The following PIEZO2 variants were observed in gnomAD, a reference collection of about 807,000 sequenced individuals.
The protein encoded by PIEZO2 is piezo type mechanosensitive ion channel component 2.
PIEZO2 carries 172 observed loss-of-function variants against 337.3 expected under a neutral mutation model. The ratio of observed to expected loss-of-function variants is 0.51; its 90% CI spans 0.45 to 0.58. PIEZO2 has a LOEUF of 0.58. Among genes scored for constraint, PIEZO2 ranks in the 20% least tolerant of loss-of-function variants. The pLI is 0.00. For synonymous variants in PIEZO2, 1,251 were observed against 1,228.5 expected (o/e 1.02, Z -0.38); for missense variants, 3,028 against 3,391.3 (o/e 0.89, Z 2.66).
intron 5 of PIEZO2, among the ~76,000 whole-genome samples, chr18:10,869,540 A>G (rs1221714093): frequency 2.0e-5 from 3 of 152,216 alleles, no homozygotes; most frequent in Non-Finnish European, 4.4e-5. Context: ...GAAGAATGTG[A>G]GTTACTGGTT....
At position 10,872,463 on chromosome 18, in the gene PIEZO2, C is replaced by A. The variant is rs2042163262; in HGVS notation, c.330-1048G>T. On this transcript the variant is annotated intron_variant, in intron 4 of 55. Transcript: ENST00000674853. The surrounding 1 kb of genome is among the most constrained non-coding windows in gnomAD (Gnocchi z 4.3). ...GAGAGGCAGTATACTGAGTTGCCAG[C>A]ATAGTTGGCCAGCACACATCACCTC... Among the ~76,000 whole-genome samples, 1 of 152,176 alleles carries A rather than the reference C, an allele frequency of 6.6e-6. No homozygotes were observed.
intron 13 of PIEZO2, 139 bp from the exon 14 acceptor site, chr18:10,791,463 C>T: frequency 2.1e-6 from 2 of 940,798 alleles, no homozygotes; most frequent in Non-Finnish European, 2.9e-6. Context: ...GTCAGGTCAC[C>T]TGCTTGACTT....
rs2033733675 is a variant in PIEZO2, at chr18:10,670,742, C to T, written c.*785G>A. Reference sequence around the variant, plus strand: ...TGGGTTGGTCTTTTTACTCTTCTGCCTCATGTCTGTTTGCACAGGAGACCG... The same window carrying T: ...TGGGTTGGTCTTTTTACTCTTCTGCTTCATGTCTGTTTGCACAGGAGACCG... On this transcript the variant is annotated 3_prime_UTR_variant, in exon 56 of 56. Coordinates refer to ENST00000674853, the MANE Select transcript of PIEZO2 (RefSeq NM_001378183.1). 6.6e-6 allele frequency: 1 copy of T among 152,572 alleles called. No homozygotes were observed. The highest frequency in any genetic ancestry group is 6.5e-5 in the Admixed American group (1 of 15,270). The allele number at this position is 152,572 out of a possible 1,614,324, so 9.5% of individuals were successfully genotyped here.
At chr18:10,881,417 G>A (rs1230478847) in intron 4 of PIEZO2, among the ~76,000 whole-genome samples, 3 of 152,190 alleles carry the variant, frequency 2.0e-5, no homozygotes, top group Non-Finnish European at 4.4e-5. Flanking sequence ...TGTTAAAAGA[G>A]TCCTAACTCC....
Position 10,830,107 on chromosome 18 carries a change from A to G in PIEZO2, c.918-22833T>C, listed in dbSNP as rs1453223434. On this transcript the variant is annotated intron_variant, in intron 7 of 55. Transcript: ENST00000674853. This position sits in a 1 kb window ranked among gnomAD's most constrained non-coding sequence, Gnocchi z 4.7. ...TGGCATAAAAACAGACACACAGACC[A>G]ATGGAACAGAATAGGGAAGCCAGTA... 6.6e-6 allele frequency among the ~76,000 whole-genome samples: 1 copy of G among 152,182 alleles called. No homozygotes were observed. Among genetic ancestry groups the G allele is most frequent in the Non-Finnish European group, 1.5e-5 (1 of 68,020 alleles).
chr18:10,812,265 A>G (rs1013722695), intron 7 of PIEZO2, among the ~76,000 whole-genome samples: 1 of 152,220 alleles, frequency 6.6e-6, no homozygotes, highest in Admixed American at 6.5e-5. Context: ...TACTCAGACT[A>G]CTACGAATAA....
intron 4 of PIEZO2, among the ~76,000 whole-genome samples, chr18:10,891,085 T>C (rs1297695265): frequency 1.3e-5 from 2 of 151,882 alleles, no homozygotes; most frequent in Admixed American, 6.6e-5. Flanking sequence ...ATAATCCCAA[T>C]ACTTTGGGAG....
At chr18:10,697,697 G>A in intron 45 of PIEZO2, 51 bp downstream of exon 45, 1 of 1,593,630 alleles carries the variant, frequency 6.3e-7, no homozygotes. Context: ...AAATAATAAA[G>A]CCCAAAACCC....
intron 1 of PIEZO2, among the ~76,000 whole-genome samples, chr18:11,073,575 C>A (rs576916246): frequency 6.6e-6 from 1 of 152,180 alleles, no homozygotes; most frequent in African/African-American, 2.4e-5. Flanking sequence ...AACTAGTGCA[C>A]AAACTAAAAA....
intron 10 of PIEZO2, 146 bp downstream of exon 10, chr18:10,801,244 T>G: frequency 1.7e-6 from 1 of 594,168 alleles, no homozygotes; most frequent in Non-Finnish European, 2.8e-6. Context: ...TTAACAGCAA[T>G]CTACCAGATA....
At chr18:10,756,835 T>C (rs1274454502) in intron 27 of PIEZO2, among the ~76,000 whole-genome samples, 2 of 133,766 alleles carry the variant, frequency 1.5e-5, no homozygotes, top group East Asian at 2.3e-4. Flanking sequence ...GGATGAGGAA[T>C]GGGGATTAAG....
At chr18:10,880,281 C>A (rs1334195953) in intron 4 of PIEZO2, among the ~76,000 whole-genome samples, 1 of 152,188 alleles carries the variant, frequency 6.6e-6, no homozygotes, top group African/African-American at 2.4e-5. Context: ...AATTGCCATT[C>A]TCCTGTCAAA....
rs1000771441 is a variant in PIEZO2, at chr18:10,853,308, G to A, written c.917+2045C>T. ...TAAAACCCCAGTCAAAGGTCAAACCGTGCACTTGATCTCAAGTCGCCTGCT... is the reference window on the plus strand; with the variant it reads ...TAAAACCCCAGTCAAAGGTCAAACCATGCACTTGATCTCAAGTCGCCTGCT... On this transcript the variant is annotated intron_variant, in intron 7 of 55. Transcript: ENST00000674853. The surrounding 1 kb of genome is among the most constrained non-coding windows in gnomAD (Gnocchi z 4.2). Among the ~76,000 whole-genome samples, 3 of 152,182 alleles carry A rather than the reference G, an allele frequency of 2.0e-5. No individual in the cohort carries two copies. The highest frequency in any genetic ancestry group is 6.5e-5 in the Admixed American group (1 of 15,276).
Position 10,795,268 on chromosome 18 carries a change from T to G in PIEZO2, c.1528-266A>C, listed in dbSNP as rs2039538647. ...CATTTTTAATGAAGGATTGTGTTGTTTTTACAATAGACTTTTTTCAGTTAA... is the reference window on the plus strand; with the variant it reads ...CATTTTTAATGAAGGATTGTGTTGTGTTTACAATAGACTTTTTTCAGTTAA... On this transcript the variant is annotated intron_variant, in intron 12 of 55. Coordinates refer to ENST00000674853, the MANE Select transcript of PIEZO2 (RefSeq NM_001378183.1). This position sits in a 1 kb window ranked among gnomAD's most constrained non-coding sequence, Gnocchi z 4.4. Among the ~76,000 whole-genome samples the G allele has an allele frequency of 6.6e-6, 1 of 152,170 alleles. No individual in the cohort carries two copies. Among genetic ancestry groups the G allele is most frequent in the Non-Finnish European group, 1.5e-5 (1 of 68,020 alleles).
At chr18:10,695,042 T>G (rs756303571) in intron 47 of PIEZO2, among the ~76,000 whole-genome samples, 1 of 152,134 alleles carries the variant, frequency 6.6e-6, no homozygotes, top group African/African-American at 2.4e-5. Context: ...CTATTCCTAC[T>G]ACATCATATG....
rs1337816654 is a variant in PIEZO2, at chr18:11,083,402, G to A, written c.65-17180C>T. Reference sequence around the variant, plus strand: ...ATGTTTTCCTTGGTAAATTCTTGGCGTAGAATGAGAGATCCGAAGGAGTCC... The same window carrying A: ...ATGTTTTCCTTGGTAAATTCTTGGCATAGAATGAGAGATCCGAAGGAGTCC... On this transcript the variant is annotated intron_variant, in intron 1 of 55. Coordinates refer to ENST00000674853, the MANE Select transcript of PIEZO2 (RefSeq NM_001378183.1). This position sits in a 1 kb window ranked among gnomAD's most constrained non-coding sequence, Gnocchi z 4.4. Among the ~76,000 whole-genome samples the A allele has an allele frequency of 2.0e-5, 3 of 152,186 alleles. No homozygotes were observed. Among genetic ancestry groups the A allele is most frequent in the Non-Finnish European group, 2.9e-5 (2 of 68,020 alleles).
chr18:10,914,123 T>C (rs1401952467), intron 3 of PIEZO2, among the ~76,000 whole-genome samples: 3 of 152,162 alleles, frequency 2.0e-5, no homozygotes, highest in East Asian at 1.9e-4. Context: ...CCATTAACCA[T>C]GCTTTACATA....
At chr18:10,926,200 G>A (rs1326655034) in intron 3 of PIEZO2, among the ~76,000 whole-genome samples, 1 of 152,196 alleles carries the variant, frequency 6.6e-6, no homozygotes, top group Non-Finnish European at 1.5e-5. Context: ...GGCATTCCTG[G>A]CTGACCACTG....
At chr18:10,758,252 C>G (rs1403020093) in intron 26 of PIEZO2, 118 bp from the exon 27 acceptor site, 10 of 1,179,350 alleles carry the variant, frequency 8.5e-6, no homozygotes, top group Non-Finnish European at 1.2e-5. Context: ...GTTGTGTTCC[C>G]AAAGTTCATA....
Sources: gnomAD v4.1 joint callset for allele counts (sites outside exome capture counted in the v4.1 genomes callset) on GRCh38, gnomAD v4.1.1 for gene constraint, Gnocchi (gnomAD v3.1) non-coding constraint, MANE v1.5 for transcripts, NCBI Gene and HGNC (gene_info 2026-07-23, HGNC 2026-07-21) for gene names.